Variants in IGF1R observed in about 807,000 individuals in gnomAD.
IGF1R encodes insulin like growth factor 1 receptor.
Under a neutral mutation model 144.6 loss-of-function variants are expected in IGF1R, and 44 were observed. The observed-to-expected ratio is 0.30, with a 90% CI of 0.24 to 0.39. The LOEUF is 0.39. Among genes scored for constraint, IGF1R ranks in the 10% least tolerant of loss-of-function variants. The pLI, the probability that IGF1R is intolerant of heterozygous loss-of-function variation, is 1.00. For synonymous variants in IGF1R, 795 were observed against 722.8 expected (o/e 1.10, Z -1.60); for missense variants, 1,355 against 1,833.7 (o/e 0.74, Z 4.77).
At chr15:98,899,754 G>C (rs2014385583) in intron 5 of IGF1R, 133 bp downstream of exon 5, 2 of 872,022 alleles carry the variant, frequency 2.3e-6, no homozygotes, top group African/African-American at 1.7e-5. Context: ...AGTATTGCCT[G>C]TGCTGCTCGA....
intron 5 of IGF1R, among the ~76,000 whole-genome samples, chr15:98,903,328 G>A (rs1023976451): frequency 1.3e-5 from 2 of 152,234 alleles, no homozygotes; most frequent in Non-Finnish European, 2.9e-5. Flanking sequence ...GGAAAAAGTA[G>A]ATGGAGGGTG....
intron 2 of IGF1R, among the ~76,000 whole-genome samples, chr15:98,804,455 T>A (rs2056429319): frequency 6.8e-6 from 1 of 146,282 alleles, no homozygotes; most frequent in African/African-American, 2.8e-5. Context: ...CACATGACTT[T>A]TGTTTTTGTT....
intron 2 of IGF1R, among the ~76,000 whole-genome samples, chr15:98,725,127 C>G (rs926698046): frequency 2.0e-5 from 3 of 152,190 alleles, no homozygotes; most frequent in Admixed American, 6.5e-5. Context: ...ACTCCCCTTT[C>G]TACTCTCAGG....
chr15:98,842,368 A>G (rs1443607295), intron 2 of IGF1R, among the ~76,000 whole-genome samples: 1 of 152,238 alleles, frequency 6.6e-6, no homozygotes. Flanking sequence ...TGCTCACAAC[A>G]GGATCATTGT....
intron 2 of IGF1R, among the ~76,000 whole-genome samples, chr15:98,811,737 T>C (rs1435487141): frequency 2.0e-5 from 3 of 151,706 alleles, no homozygotes; most frequent in African/African-American, 2.4e-5. Context: ...CCATCCTGGC[T>C]AACACGGTGA....
chr15:98,952,303 A>AACACACACAC (rs143223923), intron 20 of IGF1R, among the ~76,000 whole-genome samples: 41,835 of 146,424 alleles, frequency 0.29, 6,036 homozygotes, highest in South Asian at 0.45. Context: ...GTACCCCACC[A>AACACACACAC]ACACACACAC....
In IGF1R at chr15:98,939,230, G is replaced by C. The variant is rs989705574; in HGVS notation, c.3327G>C (p.Leu1109=). The C allele has an allele frequency of 2.5e-6, 4 of 1,613,936 alleles. No homozygotes were observed. In the African/African-American group the frequency reaches 5.3e-5, roughly 22 times the overall value. The change falls in exon 18 of 21, where the codon CTG becomes CTC. Residue 1109 remains leucine, a synonymous_variant. Transcript: ENST00000650285. The part of the protein sequence containing the change: ...ENNPVLAPPS[L]SKMIQMAGEI... ...ATCCAGTCCTAGCACCTCCAAGCCT[G>C]AGCAAGATGATTCAGATGGCCGGAG... is the stretch of plus-strand genomic sequence containing the variant.
chr15:98,899,154 A>T (rs749567660), intron 4 of IGF1R, among the ~76,000 whole-genome samples: 27 of 152,236 alleles, frequency 1.8e-4, no homozygotes, highest in African/African-American at 6.0e-4. Context: ...GCATATTAAA[A>T]GACGTTCCCT....
Position 98,960,358 on chromosome 15 carries a change from G to A in IGF1R, c.*2916G>A, listed in dbSNP as rs1262643511. On this transcript the variant is annotated 3_prime_UTR_variant, in exon 21 of 21. Transcript: ENST00000650285. ...TTAGATTTCTCCTCCTCCTAGCCAG[G>A]TGGCCCTGTGAGGCCAACGAGGGCA... is the stretch of plus-strand genomic sequence containing the variant. 1 of 233,190 alleles carries A rather than the reference G, an allele frequency of 4.3e-6. No individual in the cohort carries two copies. Among genetic ancestry groups the A allele is most frequent in the Non-Finnish European group, 8.5e-6 (1 of 118,058 alleles). 14.4% of individuals were successfully genotyped at this position (233,190 alleles called of 1,614,324 possible).
At chr15:98,711,087 A>G (rs543270014) in intron 2 of IGF1R, among the ~76,000 whole-genome samples, 19 of 152,188 alleles carry the variant, frequency 1.2e-4, no homozygotes, top group African/African-American at 4.3e-4. Context: ...TCCCCTCATC[A>G]TCTTTTTGGC....
At chr15:98,830,504 C>T (rs1467063416) in intron 2 of IGF1R, among the ~76,000 whole-genome samples, 1 of 151,992 alleles carries the variant, frequency 6.6e-6, no homozygotes, top group African/African-American at 2.4e-5. Context: ...ATAGGAATAC[C>T]CAAGACTGGG....
At chr15:98,761,061 A>G (rs1596277901) in intron 2 of IGF1R, among the ~76,000 whole-genome samples, 1 of 152,228 alleles carries the variant, frequency 6.6e-6, no homozygotes, top group Non-Finnish European at 1.5e-5. Context: ...GGGCCTAAAC[A>G]CCACCTGGCC....
Position 98,911,310 on chromosome 15 carries a change from C to A in IGF1R, c.1463-5C>A, listed in dbSNP as rs36108138. 2.2e-3 allele frequency: 3,612 copies of A among 1,614,078 alleles called. 71 individuals carry two copies. In the African/African-American group the frequency reaches 0.041, roughly 18 times the overall value. On this transcript the variant is annotated splice_region_variant and splice_polypyrimidine_tract_variant and intron_variant, in intron 6 of 20. Coordinates refer to ENST00000650285, the MANE Select transcript of IGF1R (RefSeq NM_000875.5). ...TGTCACTCACGGATGTACTCTTTGC[C>A]CCAGGTGAAAGTGACGTCCTGCATT...
intron 2 of IGF1R, among the ~76,000 whole-genome samples, chr15:98,772,518 A>G (rs1244266729): frequency 4.2e-5 from 1 of 24,092 alleles, no homozygotes; most frequent in Non-Finnish European, 1.2e-4. Flanking sequence ...TTATTATTTT[A>G]AGAATTAGGT....
intron 2 of IGF1R, among the ~76,000 whole-genome samples, chr15:98,860,282 T>G (rs931129215): frequency 6.6e-6 from 1 of 152,262 alleles, no homozygotes; most frequent in African/African-American, 2.4e-5. Flanking sequence ...CAGCACTTAG[T>G]ACAACAATCC....
intron 2 of IGF1R, among the ~76,000 whole-genome samples, chr15:98,783,593 G>A (rs1229800962): frequency 6.6e-6 from 1 of 152,088 alleles, no homozygotes; most frequent in Non-Finnish European, 1.5e-5. Context: ...TACTTCATTA[G>A]CATTTTGTAG....
chr15:98,941,855 C>T (rs921614463), intron 18 of IGF1R, among the ~76,000 whole-genome samples: 3 of 152,150 alleles, frequency 2.0e-5, no homozygotes, highest in Non-Finnish European at 2.9e-5. Flanking sequence ...AGCCCTTTCT[C>T]CTGGGAAGGA....
rs1305875455 is a variant in IGF1R at position 98,707,159 on chromosome 15, CT to C, written c.95-402del. ...AAGTTATTGATACTTGGCTGCTGAG[CT>C]GTCGTTCAGGCCTTGGCAACTGACG... On this transcript the variant is annotated intron_variant, in intron 1 of 20. Coordinates refer to ENST00000650285, the MANE Select transcript of IGF1R (RefSeq NM_000875.5). This position sits in a 1 kb window ranked among gnomAD's most constrained non-coding sequence, Gnocchi z 6.7. 3.9e-5 allele frequency among the ~76,000 whole-genome samples: 6 copies of C among 152,320 alleles called. No homozygotes were observed. In the East Asian group the frequency reaches 5.8e-4, roughly 15 times the overall value.
At chr15:98,796,680 T>C (rs1169574329) in intron 2 of IGF1R, among the ~76,000 whole-genome samples, 1 of 152,186 alleles carries the variant, frequency 6.6e-6, no homozygotes, top group Non-Finnish European at 1.5e-5. Context: ...TTTTCTAACA[T>C]ATGACTTAAT....
Sources: allele counts gnomAD v4.1 joint callset (sites outside exome capture counted in the v4.1 genomes callset), GRCh38; gene constraint gnomAD v4.1.1; non-coding constraint Gnocchi (gnomAD v3.1); transcripts MANE v1.5; gene names NCBI Gene and HGNC (gene_info 2026-07-23, HGNC 2026-07-21).